ANAPC5: variants seen among roughly 807,000 people sequenced by gnomAD.
The protein encoded by ANAPC5 is anaphase-promoting complex subunit 5.
In ANAPC5, 60 loss-of-function variants were observed where a neutral mutation model predicts 91.3. That is an observed-to-expected ratio of 0.66 (90% CI 0.53 to 0.81). The LOEUF (loss-of-function observed/expected upper bound fraction) is 0.81, where lower values mean the gene tolerates loss of function less well. Ranked by LOEUF, ANAPC5 falls within the 40% of genes least tolerant of loss-of-function variation. The probability of loss-of-function intolerance (pLI) is 0.00; values close to 1 mark genes in which losing one functional copy is unlikely to be tolerated. For synonymous variants in ANAPC5, 340 were observed against 364.1 expected, an observed-to-expected ratio of 0.93 and a Z score of 0.75; for missense variants, 690 against 931.5, an observed-to-expected ratio of 0.74 and a Z score of 3.37.
At chr12:121,338,028 G>C (rs1196481206) in intron 5 of ANAPC5, among the ~76,000 whole-genome samples, 1 of 152,038 alleles carries the variant, frequency 6.6e-6, no homozygotes, top group African/African-American at 2.4e-5. Flanking sequence ...ATTTAACTGG[G>C]TTATAGACAC....
chr12:121,319,759 A>G lies in ANAPC5; in HGVS notation c.1575T>C (p.Tyr525=). The change falls in exon 13 of 17, where the codon TAT becomes TAC. Residue 525 remains tyrosine (Y), a synonymous_variant. Coordinates refer to ENST00000261819, the MANE Select transcript of ANAPC5 (RefSeq NM_016237.5). ...QFDRAMNDGK[Y]HLADSLVTGI... ...CTGTAACAAGTGAATCAGCCAAATGATATTTGCCATCATTCATTGCTCTGT... is the reference window on the plus strand; with the variant it reads ...CTGTAACAAGTGAATCAGCCAAATGGTATTTGCCATCATTCATTGCTCTGT... 1 of 1,612,862 alleles carries G rather than the reference A, an allele frequency of 6.2e-7. No homozygotes were observed. The highest frequency in any genetic ancestry group is 8.5e-7 in the Non-Finnish European group (1 of 1,179,584).
chr12:121,351,408 A>G (rs1555275343), intron 1 of ANAPC5, among the ~76,000 whole-genome samples: 1 of 152,096 alleles, frequency 6.6e-6, no homozygotes, highest in Non-Finnish European at 1.5e-5. Flanking sequence ...AATTTTAAGT[A>G]AAGTGCTTAG....
intron 4 of ANAPC5, among the ~76,000 whole-genome samples, chr12:121,343,663 T>C (rs1159538879): frequency 2.0e-5 from 3 of 152,208 alleles, no homozygotes; most frequent in African/African-American, 7.2e-5. Context: ...GAACAAATCA[T>C]TTAACAGTAC....
At chr12:121,329,756 C>G (rs184888600) in intron 9 of ANAPC5, among the ~76,000 whole-genome samples, 294 of 152,168 alleles carry the variant, frequency 1.9e-3, no homozygotes, top group African/African-American at 6.2e-3. Flanking sequence ...GCTGGGATCA[C>G]AGGCATGTCC....
intron 1 of ANAPC5, among the ~76,000 whole-genome samples, chr12:121,348,462 C>T (rs1903755816): frequency 6.6e-6 from 1 of 152,170 alleles, no homozygotes; most frequent in Non-Finnish European, 1.5e-5. Context: ...GCCAGGAGTT[C>T]AAGACCAGCC....
intron 1 of ANAPC5, among the ~76,000 whole-genome samples, chr12:121,349,514 C>T (rs370811261): frequency 4.6e-5 from 7 of 151,492 alleles, no homozygotes; most frequent in South Asian, 2.1e-4. Context: ...AAGCTAGGAT[C>T]GCACCACGGC....
At chr12:121,353,868 T>G (rs1375921535), upstream of ANAPC5, among the ~76,000 whole-genome samples, 1 of 151,996 alleles carries the variant, frequency 6.6e-6, no homozygotes, top group Admixed American at 6.6e-5. Context: ...AGTAGGTAAT[T>G]AGACATGAGC....
Position 121,335,624 on chromosome 12 carries a change from C to T in ANAPC5, c.859G>A (p.Glu287Lys). Residue 287 changes from glutamate to lysine, a missense_variant, in exon 7 of 17, where the codon GAA (glutamate) becomes AAA (lysine). By Grantham distance (56) the Glu-to-Lys change is moderately conservative (BLOSUM62 1). This residue lies in a region of ANAPC5 where 83 missense variants were observed against 150.8 expected (regional missense o/e 0.55). Transcript: ENST00000261819. ...YFDRLILTGAESKSNGEEGYG... is the reference protein window; with the variant it reads ...YFDRLILTGAKSKSNGEEGYG... ...CCCTCTTCCCCATTACTTTTGCTTT[C>T]GGCTCCGGTAAGAATCAGACGATCA... 1.2e-6 allele frequency: 2 copies of T among 1,614,082 alleles called. No homozygotes were observed. Among genetic ancestry groups the T allele is most frequent in the Non-Finnish European group, 1.7e-6 (2 of 1,179,976 alleles).
Position 121,352,170 on chromosome 12 carries a change from C to A in ANAPC5, c.171G>T (p.Arg57=). 1.2e-6 allele frequency: 2 copies of A among 1,612,432 alleles called. No individual in the cohort carries two copies. Among genetic ancestry groups the A allele is most frequent in the Non-Finnish European group, 1.7e-6 (2 of 1,178,774 alleles). The change falls in exon 1 of 17, where the codon CGG becomes CGT. Residue 57 remains arginine, a synonymous_variant. Coordinates refer to ENST00000261819, the MANE Select transcript of ANAPC5 (RefSeq NM_016237.5). ...TGEGAVSLME[R]RRLNQLLLPL... is the part of the protein sequence containing the mutation. Reference sequence around the variant, plus strand: ...GCAGGAGCAGCTGGTTGAGCCTCCGCCGCTCCATGAGGCTGACGGCGCCCT... The same window carrying A: ...GCAGGAGCAGCTGGTTGAGCCTCCGACGCTCCATGAGGCTGACGGCGCCCT...
Position 121,342,041 on chromosome 12 carries a change from G to C in ANAPC5, c.619C>G (p.Leu207Val), listed in dbSNP as rs782011475. The C allele has an allele frequency of 1.9e-6, 3 of 1,610,100 alleles. No individual in the cohort carries two copies. The highest frequency in any genetic ancestry group is 2.5e-6 in the Non-Finnish European group (3 of 1,179,302). ...AAAAATTCTGCTTGTTTTTGGGACA[G>C]AGGCCCACTGCAAGATACCTCCTCT... ...REEEVSCSGP[L>V]SQKQAEFFLS... The change falls in exon 5 of 17, where the codon CTG (leucine) becomes GTG (valine). Residue 207 changes from leucine to valine, a missense_variant. Leu to Val is a conservative substitution (Grantham distance 32). Coordinates refer to ENST00000261819, the MANE Select transcript of ANAPC5 (RefSeq NM_016237.5). The surrounding 1 kb of genome is among the most constrained non-coding windows in gnomAD (Gnocchi z 4.1).
At chr12:121,352,713 T>TGGTGGTGGTGGTGGTG (rs1555275614), upstream of ANAPC5, among the ~76,000 whole-genome samples, 1 of 132,352 alleles carries the variant, frequency 7.6e-6, no homozygotes, top group Admixed American at 8.1e-5. Context: ...TGTTGGTTGT[T>TGGTGGTGGTGGTGGTG]GTTGTTGGTG....
chr12:121,314,663 C>T (rs532912903), intron 15 of ANAPC5, among the ~76,000 whole-genome samples: 1 of 151,064 alleles, frequency 6.6e-6, no homozygotes, highest in East Asian at 2.0e-4. Flanking sequence ...TGTTGCCCAA[C>T]CTGTAGTGCA....
Position 121,340,656 on chromosome 12 carries a change from G to A in ANAPC5, c.657+1347C>T, listed in dbSNP as rs544950980. On this transcript the variant is annotated intron_variant, in intron 5 of 16. Coordinates refer to ENST00000261819, the MANE Select transcript of ANAPC5 (RefSeq NM_016237.5). ...CAACCTCCACCTCCCGGGTTCAAGCGATTCTCCTGCCTCAGCCTCCCGAGT... is the reference window on the plus strand; with the variant it reads ...CAACCTCCACCTCCCGGGTTCAAGCAATTCTCCTGCCTCAGCCTCCCGAGT... 5.1e-3 allele frequency among the ~76,000 whole-genome samples: 767 copies of A among 151,702 alleles called. 2 individuals carry two copies. The highest frequency in any genetic ancestry group is 0.013 in the South Asian group (63 of 4,806).
chr12:121,335,489 T>C (rs1555273338), intron 7 of ANAPC5, 44 bp downstream of exon 7: 1 of 1,543,214 alleles, frequency 6.5e-7, no homozygotes, highest in Non-Finnish European at 8.8e-7. Flanking sequence ...TTTATTGTCA[T>C]CGGTTCCTTC....
intron 5 of ANAPC5, among the ~76,000 whole-genome samples, chr12:121,340,996 T>A (rs1217612548): frequency 6.6e-6 from 1 of 152,070 alleles, no homozygotes; most frequent in African/African-American, 2.4e-5. Context: ...TCAGATTATG[T>A]TTCCAAGAAA....
chr12:121,352,145 GC>G lies in ANAPC5; in HGVS notation c.195del (p.Leu67CysfsTer15). ...CGGGCGCCTCTCACCTGCAGCAGGGGCAGGAGCAGCTGGTTGAGCCTCCGCC... is the reference window on the plus strand; with the variant it reads ...CGGGCGCCTCTCACCTGCAGCAGGGGAGGAGCAGCTGGTTGAGCCTCCGCC... ...MERRRLNQLL[L>X]PLLQGPDITL... On this transcript the variant is annotated frameshift_variant, in exon 1 of 17. Transcript: ENST00000261819. LOFTEE classifies it high-confidence loss of function. 1 of 1,609,058 alleles carries G rather than the reference GC, an allele frequency of 6.2e-7. No individual in the cohort carries two copies. The highest frequency in any genetic ancestry group is 1.1e-5 in the South Asian group (1 of 90,932).
chr12:121,324,358 T>TA (rs1370041318), intron 11 of ANAPC5, among the ~76,000 whole-genome samples: 11 of 147,466 alleles, frequency 7.5e-5, no homozygotes, highest in Admixed American at 2.0e-4. Flanking sequence ...AGGACTGACT[T>TA]AAAAAAAAAA....
intron 15 of ANAPC5, chr12:121,310,435 T>G (rs1276833285): frequency 6.6e-6 from 1 of 152,250 alleles, no homozygotes; most frequent in African/African-American, 2.4e-5. Context: ...TGGTTGCACA[T>G]GCCTGCAGTC....
In ANAPC5 at chr12:121,309,695, T is replaced by C. The variant is rs892976349; in HGVS notation, c.2056+6A>G. The C allele has an allele frequency of 6.2e-7, 1 of 1,613,002 alleles. No individual in the cohort carries two copies. Among genetic ancestry groups the C allele is most frequent in the Admixed American group, 1.7e-5 (1 of 59,812 alleles). On this transcript the variant is annotated splice_donor_region_variant and intron_variant, in intron 16 of 16. Transcript: ENST00000261819. Reference sequence around the variant, plus strand: ...ATTGCCTAACAGTCTTCGTACAGCTTCCTACCTTCTGCTTTCTTCGGCTGA... The same window carrying C: ...ATTGCCTAACAGTCTTCGTACAGCTCCCTACCTTCTGCTTTCTTCGGCTGA...
Sources: gnomAD v4.1 joint callset for allele counts (sites outside exome capture counted in the v4.1 genomes callset) on GRCh38, gnomAD v4.1.1 for gene constraint, gnomAD v4.1.1 regional missense constraint, Gnocchi (gnomAD v3.1) non-coding constraint, MANE v1.5 for transcripts, NCBI Gene and HGNC (gene_info 2026-07-23, HGNC 2026-07-21) for gene names.